The following STXBP3 variants were observed in gnomAD, a reference collection of about 807,000 sequenced individuals.
STXBP3 encodes syntaxin binding protein 3.
Under a neutral mutation model 85.7 loss-of-function variants are expected in STXBP3, and 41 were observed. The observed-to-expected ratio is 0.48, with a 90% CI of 0.37 to 0.62. The LOEUF (loss-of-function observed/expected upper bound fraction) is 0.62, where lower values mean the gene tolerates loss of function less well. Among genes scored for constraint, STXBP3 ranks in the 20% least tolerant of loss-of-function variants. The probability of loss-of-function intolerance (pLI) is 0.00; values close to 1 mark genes in which losing one functional copy is unlikely to be tolerated. For synonymous variants in STXBP3, 229 were observed against 231.7 expected (o/e 0.99, Z 0.10); for missense variants, 563 against 703.1 (o/e 0.80, Z 2.25).
intron 9 of STXBP3, 110 bp downstream of exon 9, chr1:108,779,520 T>C: frequency 8.7e-7 from 1 of 1,149,504 alleles, no homozygotes; most frequent in Non-Finnish European, 1.2e-6. Context: ...TAACCTTTTC[T>C]ATTCAGAGAC....
chr1:108,807,993 T>G (rs944608491), intron 18 of STXBP3, among the ~76,000 whole-genome samples: 4 of 152,226 alleles, frequency 2.6e-5, no homozygotes, highest in Non-Finnish European at 5.9e-5. Flanking sequence ...TAGAATGTGT[T>G]TTGTCTGATG....
At chr1:108,753,855 T>C (rs1045946093) in intron 3 of STXBP3, among the ~76,000 whole-genome samples, 2 of 152,092 alleles carry the variant, frequency 1.3e-5, no homozygotes, top group African/African-American at 2.4e-5. Context: ...AATACTCTCA[T>C]TTGTAATGAG....
At chr1:108,749,082 A>G (rs1259069967) in intron 1 of STXBP3, among the ~76,000 whole-genome samples, 1 of 152,200 alleles carries the variant, frequency 6.6e-6, no homozygotes, top group African/African-American at 2.4e-5. Context: ...GGTGGAAAGC[A>G]GGAAATCCAG....
At chr1:108,786,715 A>G (rs1662837586) in intron 11 of STXBP3, among the ~76,000 whole-genome samples, 1 of 152,214 alleles carries the variant, frequency 6.6e-6, no homozygotes, top group Non-Finnish European at 1.5e-5. Context: ...ATTTGGTAGT[A>G]TAAGTCTTCC....
intron 6 of STXBP3, among the ~76,000 whole-genome samples, chr1:108,762,675 T>C (rs1662165535): frequency 6.6e-6 from 1 of 152,216 alleles, no homozygotes; most frequent in African/African-American, 2.4e-5. Context: ...TCTTCCTACC[T>C]CATTTTTGCT....
At chr1:108,753,589 G>A (rs1307287847) in intron 3 of STXBP3, among the ~76,000 whole-genome samples, 2 of 151,946 alleles carry the variant, frequency 1.3e-5, no homozygotes, top group Non-Finnish European at 2.9e-5. Flanking sequence ...TACCAGAAAT[G>A]AGACAAATAA....
intron 1 of STXBP3, among the ~76,000 whole-genome samples, chr1:108,750,580 A>G (rs761169756): frequency 6.6e-6 from 1 of 152,130 alleles, no homozygotes; most frequent in Non-Finnish European, 1.5e-5. Context: ...CCTCACACCA[A>G]CCAGTTCTCC....
Position 108,772,421 on chromosome 1 carries a change from A to G in STXBP3, c.439-244A>G, listed in dbSNP as rs1055770173. ...ATACATATGATATCTATCTGTATATATAAATACATATGATATCTATCTGTA... is the reference window on the plus strand; with the variant it reads ...ATACATATGATATCTATCTGTATATGTAAATACATATGATATCTATCTGTA... On this transcript the variant is annotated intron_variant, in intron 6 of 18. Transcript: ENST00000370008. Among the ~76,000 whole-genome samples, 2 of 134,334 alleles carry G rather than the reference A, an allele frequency of 1.5e-5. 1 individual carries two copies. The highest frequency in any genetic ancestry group is 5.6e-5 in the African/African-American group (2 of 35,692). The allele number at this position is 134,334 out of a possible 152,430, so 88.1% of individuals were successfully genotyped here.
At chr1:108,793,672 C>A (rs763460976) in intron 12 of STXBP3, 25 bp downstream of exon 12, 1 of 1,576,944 alleles carries the variant, frequency 6.3e-7, no homozygotes, top group Non-Finnish European at 8.7e-7. Context: ...ATATGAGATA[C>A]CTGATTAGTT....
chr1:108,786,758 C>A (rs1476698180), intron 11 of STXBP3, among the ~76,000 whole-genome samples: 1 of 152,182 alleles, frequency 6.6e-6, no homozygotes, highest in African/African-American at 2.4e-5. Flanking sequence ...TCAGCTGTTA[C>A]AACCTTTGTC....
At position 108,748,659 on chromosome 1, in the gene STXBP3, C is replaced by G. The variant is rs546533863; in HGVS notation, c.49+1873C>G. Among the ~76,000 whole-genome samples the G allele has an allele frequency of 1.2e-4, 18 of 151,696 alleles. No individual in the cohort carries two copies. The South Asian group carries it at 2.7e-3, about 23-fold the overall frequency. The stretch of plus-strand genomic sequence containing the variant: ...CCAGCCTGAGCAACATGGTGAAACT[C>G]TCTCTCTATCAAAAATACAAAAATT... On this transcript the variant is annotated intron_variant, in intron 1 of 18. Transcript: ENST00000370008.
At chr1:108,793,324 AT>A (rs1663018684) in intron 11 of STXBP3, among the ~76,000 whole-genome samples, 1 of 151,586 alleles carries the variant, frequency 6.6e-6, no homozygotes, top group Non-Finnish European at 1.5e-5. Context: ...GCTGTGAGCT[AT>A]TTTTATCCAT....
chr1:108,794,028 A>AT (rs943121797), intron 12 of STXBP3, among the ~76,000 whole-genome samples: 2 of 152,126 alleles, frequency 1.3e-5, no homozygotes, highest in South Asian at 2.1e-4. Flanking sequence ...CAGGTAAACT[A>AT]TTTTTTTGCT....
At chr1:108,772,607 T>C (rs1266004101) in intron 6 of STXBP3, 58 bp from the exon 7 acceptor site, 2 of 892,074 alleles carry the variant, frequency 2.2e-6, no homozygotes, top group Non-Finnish European at 2.9e-6. Context: ...AATATAAATA[T>C]ATATTTTTTT....
At chr1:108,800,143 C>A in intron 16 of STXBP3, 77 bp from the exon 17 acceptor site, 1 of 997,186 alleles carries the variant, frequency 1.0e-6, no homozygotes, top group Non-Finnish European at 1.6e-6. Context: ...ATTGCAAATG[C>A]AAGTTTTGAC....
chr1:108,766,968 G>C, intron 6 of STXBP3: 1 of 526,580 alleles, frequency 1.9e-6, no homozygotes, highest in Non-Finnish European at 3.9e-6. Flanking sequence ...GATCCATACT[G>C]TTGCTTTCAA....
intron 9 of STXBP3, 94 bp downstream of exon 9, chr1:108,779,504 C>T: frequency 7.8e-7 from 1 of 1,276,596 alleles, no homozygotes; most frequent in Non-Finnish European, 1.0e-6. Flanking sequence ...AATCTGAAAG[C>T]CCCTATAACC....
chr1:108,797,073 C>G (rs1663118289), intron 15 of STXBP3, among the ~76,000 whole-genome samples: 1 of 151,874 alleles, frequency 6.6e-6, no homozygotes, highest in Non-Finnish European at 1.5e-5. Context: ...TTTAGGCTCG[C>G]TGGGTATGGT....
At chr1:108,766,863 G>A in intron 6 of STXBP3, 1 of 469,924 alleles carries the variant, frequency 2.1e-6, no homozygotes, top group Non-Finnish European at 4.2e-6. Flanking sequence ...CTGACTTTGT[G>A]GTCTATACTT....
Sources: gnomAD v4.1 joint callset for allele counts (sites outside exome capture counted in the v4.1 genomes callset) on GRCh38, gnomAD v4.1.1 for gene constraint, MANE v1.5 for transcripts, NCBI Gene and HGNC (gene_info 2026-07-23, HGNC 2026-07-21) for gene names.